Variants in POLRMT observed in about 807,000 individuals in gnomAD.
The protein encoded by POLRMT is RNA polymerase mitochondrial.
Under a neutral mutation model 132.2 loss-of-function variants are expected in POLRMT, and 114 were observed. That is an observed-to-expected ratio of 0.86 (90% CI 0.74 to 1.01). The LOEUF (loss-of-function observed/expected upper bound fraction) is 1.01, where lower values mean the gene tolerates loss of function less well. Among genes scored for constraint, POLRMT ranks in the 50% least tolerant of loss-of-function variants. The probability of loss-of-function intolerance (pLI) is 0.00; values close to 1 mark genes in which losing one functional copy is unlikely to be tolerated. For missense variants in POLRMT, 2,003 were observed against 1,729.1 expected (o/e 1.16, Z -2.81); for synonymous variants, 1,020 against 773.4 (o/e 1.32, Z -5.29).
chr19:631,489 A>G (rs185116103), intron 2 of POLRMT, among the ~76,000 whole-genome samples: 2 of 151,830 alleles, frequency 1.3e-5, no homozygotes, highest in Non-Finnish European at 2.9e-5. Context: ...AATACGAAAA[A>G]TTAACCGGGC....
intron 17 of POLRMT, 32 bp downstream of exon 17, chr19:618,456 G>T: frequency 6.6e-7 from 1 of 1,524,414 alleles, no homozygotes. Flanking sequence ...CCTGGGAGGC[G>T]AGCGGCACCC....
In POLRMT at chr19:619,823, C is replaced by G. The variant is rs1235593157; in HGVS notation, c.2887-58G>C. On this transcript the variant is annotated intron_variant, in intron 12 of 20. Coordinates refer to ENST00000588649, the MANE Select transcript of POLRMT (RefSeq NM_005035.4). ...GCCCCGCTAGCAGCCCAGGGGCCAC[C>G]AAGCACCCATGAAGCCCCCGCCCCA... 1.2e-5 allele frequency: 19 copies of G among 1,550,022 alleles called. No homozygotes were observed. In the South Asian group the frequency reaches 2.0e-4, roughly 16 times the overall value.
intron 8 of POLRMT, 24 bp from the exon 9 acceptor site, chr19:622,397 G>A (rs1368558420): frequency 6.6e-7 from 1 of 1,524,792 alleles, no homozygotes; most frequent in Non-Finnish European, 8.8e-7. Flanking sequence ...CGGTCAGGGC[G>A]CTGGGCACCG....
chr19:633,317 A>T, intron 1 of POLRMT, 108 bp downstream of exon 1: 1 of 1,296,220 alleles, frequency 7.7e-7, no homozygotes, highest in Non-Finnish European at 1.0e-6. Flanking sequence ...TGGGCTGCGC[A>T]CGCCCAGGTG....
chr19:631,415 G>A (rs577712812), intron 2 of POLRMT, among the ~76,000 whole-genome samples: 6 of 151,474 alleles, frequency 4.0e-5, no homozygotes, highest in Admixed American at 1.3e-4. Flanking sequence ...CGAGGCAGGC[G>A]GATCACGAGG....
At chr19:632,186 G>A (rs1158372570) in intron 2 of POLRMT, among the ~76,000 whole-genome samples, 1 of 151,634 alleles carries the variant, frequency 6.6e-6, no homozygotes, top group African/African-American at 2.4e-5. Context: ...CGCCCACCTC[G>A]GCCACCCAAA....
chr19:620,224 G>C lies in POLRMT; in HGVS notation c.2763+141C>G, dbSNP rs1031988842. ...GGAGCCCCCGCACGCTCCCGGGAGA[G>C]ACCAGGAGCCATGGCTCCCGCACAC... On this transcript the variant is annotated intron_variant, in intron 11 of 20. Transcript: ENST00000588649. 1.2e-5 allele frequency: 17 copies of C among 1,449,190 alleles called. No individual in the cohort carries two copies. In the Admixed American group the frequency reaches 1.2e-4, roughly 10 times the overall value. 89.8% of individuals were successfully genotyped at this position (1,449,190 alleles called of 1,614,324 possible). A position where few individuals can be genotyped will look rare whatever the true frequency, so the allele number is the denominator to read the frequency against.
At chr19:632,994 A>C (rs1985540037) in intron 1 of POLRMT, 56 bp from the exon 2 acceptor site, 3 of 1,287,860 alleles carry the variant, frequency 2.3e-6, no homozygotes, top group Non-Finnish European at 3.1e-6. Flanking sequence ...GGGGGCCTCC[A>C]TAAAGGCAGA....
In POLRMT at chr19:621,196, G is replaced by C. The variant is rs1245763485; in HGVS notation, c.2502C>G (p.Gly834=). ...TCTTGAGCCAATCCAGGCCGTGCGG[G>C]CCGAGCGGGCGGCCCTGGGCGAACT... is the stretch of plus-strand genomic sequence containing the variant. ...LLEFAQGRPL[G]PHGLDWLKIH... The change falls in exon 10 of 21, where the codon GGC becomes GGG. Residue 834 remains glycine, a synonymous_variant. Transcript: ENST00000588649. 45 of 1,610,428 alleles carry C rather than the reference G, an allele frequency of 2.8e-5. No individual in the cohort carries two copies. Among genetic ancestry groups the C allele is most frequent in the African/African-American group, 5.3e-5 (4 of 74,776 alleles).
chr19:622,802 C>G lies in POLRMT; in HGVS notation c.1455+19G>C. On this transcript the variant is annotated intron_variant, in intron 7 of 20. Coordinates refer to ENST00000588649, the MANE Select transcript of POLRMT (RefSeq NM_005035.4). The stretch of plus-strand genomic sequence containing the variant: ...TGCCCGCCCCGCCCGGGGACCCGGC[C>G]GCGCGGAGGAAGACGCACCTGCAGG... 2.5e-6 allele frequency: 4 copies of G among 1,575,382 alleles called. No homozygotes were observed. Among genetic ancestry groups the G allele is most frequent in the Non-Finnish European group, 3.4e-6 (4 of 1,161,862 alleles).
intron 3 of POLRMT, among the ~76,000 whole-genome samples, chr19:627,362 C>A (rs1032619515): frequency 6.6e-6 from 1 of 151,578 alleles, no homozygotes; most frequent in Admixed American, 6.6e-5. Context: ...ACTGTGTTAG[C>A]CAGGATGGTC....
intron 3 of POLRMT, among the ~76,000 whole-genome samples, chr19:626,479 ATTTTT>A (rs113783333): frequency 1.5e-5 from 2 of 136,638 alleles, no homozygotes; most frequent in Admixed American, 7.5e-5. Context: ...ATCCCCTGCA[ATTTTT>A]TTTTTTTTCA....
chr19:628,459 C>T (rs901940202), intron 3 of POLRMT, among the ~76,000 whole-genome samples: 12 of 152,242 alleles, frequency 7.9e-5, no homozygotes, highest in Admixed American at 2.6e-4. Flanking sequence ...CTGGCCCCAC[C>T]TGATCCTGAA....
chr19:622,989 CG>C lies in POLRMT; in HGVS notation c.1291-5del. ...GCAGGGTCTTCAGGGTCTTCCGCTG[CG>C]GGGGATGAACGGGCCCGGTGAGCCC... is the stretch of plus-strand genomic sequence containing the variant. On this transcript the variant is annotated splice_polypyrimidine_tract_variant and splice_region_variant and intron_variant, in intron 6 of 20. Coordinates refer to ENST00000588649, the MANE Select transcript of POLRMT (RefSeq NM_005035.4). 1 of 1,611,706 alleles carries C rather than the reference CG, an allele frequency of 6.2e-7. No individual in the cohort carries two copies.
At chr19:622,424 T>A in intron 8 of POLRMT, 51 bp from the exon 9 acceptor site, 3 of 1,495,988 alleles carry the variant, frequency 2.0e-6, no homozygotes, top group Non-Finnish European at 2.7e-6. Context: ...CTGAGCTAGA[T>A]GCCCCACCGC....
intron 3 of POLRMT, chr19:625,543 G>A (rs1984964728): frequency 2.8e-6 from 1 of 361,780 alleles, no homozygotes; most frequent in Non-Finnish European, 5.0e-6. Context: ...TCTTTTCAAA[G>A]GACTGACTTG....
Position 621,748 on chromosome 19 carries a change from G to T in POLRMT, c.1950C>A (p.Cys650Ter). The stretch of plus-strand genomic sequence containing the variant: ...GCGGCGATGTCCAGGGCAGCGGGGG[G>T]CAAAGCATGGGTACATCCACCGCCT... ...TFEAVDVPML[C>*]PPLPWTSPHS... The change falls in exon 10 of 21, where the codon TGC (cysteine) becomes TGA (stop). Residue 650 changes from cysteine to a stop codon, truncating the protein, a stop_gained. Transcript: ENST00000588649. LOFTEE classifies it high-confidence loss of function. 5 of 1,600,680 alleles carry T rather than the reference G, an allele frequency of 3.1e-6. No homozygotes were observed. Among genetic ancestry groups the T allele is most frequent in the Non-Finnish European group, 3.4e-6 (4 of 1,179,412 alleles).
At chr19:628,827 A>AC (rs1228007172) in intron 3 of POLRMT, among the ~76,000 whole-genome samples, 1 of 151,786 alleles carries the variant, frequency 6.6e-6, no homozygotes, top group Non-Finnish European at 1.5e-5. Context: ...ACACGGTGAA[A>AC]CCCCCGTCTC....
chr19:626,850 T>C (rs975671133), intron 3 of POLRMT, among the ~76,000 whole-genome samples: 3 of 150,016 alleles, frequency 2.0e-5, no homozygotes, highest in African/African-American at 7.5e-5. Flanking sequence ...ACAGAAACTT[T>C]GCTGTCGACA....
Sources: gnomAD v4.1 joint callset for allele counts (sites outside exome capture counted in the v4.1 genomes callset) on GRCh38, gnomAD v4.1.1 for gene constraint, MANE v1.5 for transcripts, NCBI Gene and HGNC (gene_info 2026-07-23, HGNC 2026-07-21) for gene names.